KLC4: variants seen among roughly 807,000 people sequenced by gnomAD.
KLC4 encodes the protein kinesin-like protein 8.
A neutral mutation model predicts 77.2 loss-of-function variants in KLC4; 49 were observed. The ratio of observed to expected loss-of-function variants is 0.63; its 90% CI spans 0.50 to 0.80. The LOEUF (loss-of-function observed/expected upper bound fraction) is 0.80. Ranked by LOEUF, KLC4 falls within the 30% of genes least tolerant of loss-of-function variation. KLC4 has a pLI of 0.00. For synonymous variants in KLC4, 274 were observed against 314.5 expected (o/e 0.87, Z 1.36); for missense variants, 669 against 793.5 (o/e 0.84, Z 1.89).
chr6:43,060,268 C>A, intron 1 of KLC4: 8 of 1,614,040 alleles, frequency 5.0e-6, no homozygotes, highest in Non-Finnish European at 6.8e-6. Flanking sequence ...CCCAGACACG[C>A]CTCTTGCTGT....
chr6:43,070,872 G>T lies in KLC4; in HGVS notation c.1155+7G>T. On this transcript the variant is annotated splice_region_variant and intron_variant, in intron 8 of 15. Coordinates refer to ENST00000347162, the MANE Select transcript of KLC4 (RefSeq NM_201521.3). ...CCGGACCAAGAACAACCTGGTATGG[G>T]AGGAGGGACAAAGTAGGTGGAAGAA... is the stretch of plus-strand genomic sequence containing the variant. 1 of 1,381,580 alleles carries T rather than the reference G, an allele frequency of 7.2e-7. No individual in the cohort carries two copies. 85.6% of individuals were successfully genotyped at this position (1,381,580 alleles called of 1,614,324 possible). A position where few individuals can be genotyped will look rare whatever the true frequency, so the allele number is the denominator to read the frequency against.
At position 43,074,420 on chromosome 6, in the gene KLC4, T is replaced by C. The variant is rs537962556; in HGVS notation, c.1810-202T>C. 87 of 591,254 alleles carry C rather than the reference T, an allele frequency of 1.5e-4. 2 individuals are homozygous for C. In the South Asian group the frequency reaches 1.6e-3, roughly 11 times the overall value. The allele number at this position is 591,254 out of a possible 1,614,324, so 36.6% of individuals were successfully genotyped here. A position where few individuals can be genotyped will look rare whatever the true frequency, so the allele number is the denominator to read the frequency against. Reference sequence around the variant, plus strand: ...CCAGTATTCATGTGGTTCTTCCAGGTAGCTTCTCCACCAGATTGTGGCCTT... The same window carrying C: ...CCAGTATTCATGTGGTTCTTCCAGGCAGCTTCTCCACCAGATTGTGGCCTT... On this transcript the variant is annotated intron_variant, in intron 15 of 15. Coordinates refer to ENST00000347162, the MANE Select transcript of KLC4 (RefSeq NM_201521.3).
intron 12 of KLC4, 77 bp downstream of exon 12, chr6:43,072,332 T>G (rs1183111347): frequency 9.2e-7 from 1 of 1,091,096 alleles, no homozygotes; most frequent in Non-Finnish European, 1.4e-6. Flanking sequence ...TTCTTGGGAG[T>G]CTCCTAAGAA....
intron 6 of KLC4, among the ~76,000 whole-genome samples, chr6:43,068,074 T>A (rs1160396232): frequency 3.6e-5 from 3 of 83,620 alleles, no homozygotes; most frequent in East Asian, 6.7e-4. Flanking sequence ...ATCCCGCCAC[T>A]GCACTCCAGC....
Position 43,073,950 on chromosome 6 carries a change from T to C in KLC4, c.1794T>C (p.Ser598=), listed in dbSNP as rs752262818. The C allele has an allele frequency of 1.9e-6, 3 of 1,611,576 alleles. No individual in the cohort carries two copies. The South Asian group carries it at 3.3e-5, about 18-fold the overall frequency. Residue 598 remains serine (S), a synonymous_variant, in exon 15 of 16, where the codon AGT becomes AGC. Transcript: ENST00000347162. ...CCTTGAACTATCTGAACCAACCTAGTGCAGCACCCCTCCAGGTGAGAGCAG... is the reference window on the plus strand; with the variant it reads ...CCTTGAACTATCTGAACCAACCTAGCGCAGCACCCCTCCAGGTGAGAGCAG... ...AASLNYLNQP[S]AAPLQVSRGL...
Position 43,072,931 on chromosome 6 carries a change from T to G in KLC4, c.1596T>G (p.Gly532=), listed in dbSNP as rs1258861939. The change falls in exon 13 of 16, where the codon GGT becomes GGG. Residue 532 remains glycine (G), a synonymous_variant. Coordinates refer to ENST00000347162, the MANE Select transcript of KLC4 (RefSeq NM_201521.3). Reference sequence around the variant, plus strand: ...GAGACAGTGTGAAATTCGAGGGAGGTGAAGATGCTTCTGTGGCTGTGGAGT... The same window carrying G: ...GAGACAGTGTGAAATTCGAGGGAGGGGAAGATGCTTCTGTGGCTGTGGAGT... ...GPGDSVKFEG[G]EDASVAVEWS... 6.2e-7 allele frequency: 1 copy of G among 1,609,802 alleles called. No homozygotes were observed. The highest frequency in any genetic ancestry group is 8.5e-7 in the Non-Finnish European group (1 of 1,178,292).
chr6:43,072,062 T>G (rs1765757366), intron 11 of KLC4, 85 bp from the exon 12 acceptor site: 1 of 1,421,406 alleles, frequency 7.0e-7, no homozygotes, highest in African/African-American at 1.4e-5. Context: ...TTCTTATTTT[T>G]TTTCCTCTTG....
At chr6:43,070,226 A>G in intron 6 of KLC4, 128 bp from the exon 7 acceptor site, 1 of 602,126 alleles carries the variant, frequency 1.7e-6, no homozygotes, top group South Asian at 2.2e-5. Context: ...CCCTGGCTCC[A>G]GGGTAGTAGA....
chr6:43,071,631 GA>G lies in KLC4; in HGVS notation c.1308+14del. 1 of 1,613,222 alleles carries G rather than the reference GA, an allele frequency of 6.2e-7. No individual in the cohort carries two copies. On this transcript the variant is annotated intron_variant, in intron 10 of 15. Coordinates refer to ENST00000347162, the MANE Select transcript of KLC4 (RefSeq NM_201521.3). ...AGGAAATGAGCAAAGTGAGTGGGGG[GA>G]AGGGGGGCCAGCCTGGGGAGCTCAA... is the stretch of plus-strand genomic sequence containing the variant.
intron 8 of KLC4, 60 bp downstream of exon 8, chr6:43,070,925 G>GC: frequency 1.0e-5 from 3 of 291,976 alleles, no homozygotes; most frequent in East Asian, 1.1e-4. Context: ...GAGGTGGGGG[G>GC]AGGGGGGGCA....
intron 9 of KLC4, 39 bp downstream of exon 9, chr6:43,071,413 A>G (rs762671720): frequency 6.3e-7 from 1 of 1,575,480 alleles, no homozygotes; most frequent in South Asian, 1.1e-5. Flanking sequence ...TGTGGGGAAG[A>G]AAAGAAATTC....
At position 43,074,671 on chromosome 6, in the gene KLC4, G is replaced by A. The variant is rs770887637; in HGVS notation, c.1859G>A (p.Ter620=). 2 of 1,614,052 alleles carry A rather than the reference G, an allele frequency of 1.2e-6. No homozygotes were observed. The highest frequency in any genetic ancestry group is 4.5e-5 in the East Asian group (2 of 44,886). The change falls in exon 16 of 16, where the codon TGA becomes TAA. Residue 620 remains the stop codon, a stop_retained_variant. Coordinates refer to ENST00000347162, the MANE Select transcript of KLC4 (RefSeq NM_201521.3). ...ACCATGGACCTCTCTTCAAGCAGCT[G>A]ACATTCAACCCGGCCCCCAGGTCTG... is the stretch of plus-strand genomic sequence containing the variant. The part of the protein sequence containing the change: ...ASTMDLSSSS[*]
rs529614045 is a variant in KLC4, at chr6:43,068,284, C to T, written c.879+1201C>T. 2.8e-4 allele frequency among the ~76,000 whole-genome samples: 42 copies of T among 148,406 alleles called. No homozygotes were observed. In the South Asian group the frequency reaches 4.3e-3, roughly 15 times the overall value. On this transcript the variant is annotated intron_variant, in intron 6 of 15. Transcript: ENST00000347162. ...GTCAGGAGTTCAAGACCATCCTGGCCAACATGGTGAAACCCCGTCTCTACT... is the reference window on the plus strand; with the variant it reads ...GTCAGGAGTTCAAGACCATCCTGGCTAACATGGTGAAACCCCGTCTCTACT...
At position 43,075,049 on chromosome 6, in the gene KLC4, G is replaced by C; in HGVS notation, c.*377G>C. ...CCCTCCCTCTGCTGTCTCACTTCAG[G>C]TCCATGTATTTCACTTTTCTTAAAT... On this transcript the variant is annotated 3_prime_UTR_variant, in exon 16 of 16. Transcript: ENST00000347162. 1 of 234,576 alleles carries C rather than the reference G, an allele frequency of 4.3e-6. No homozygotes were observed. 14.5% of individuals were successfully genotyped at this position (234,576 alleles called of 1,614,324 possible).
At chr6:43,065,925 A>G (rs1449733554) in intron 4 of KLC4, among the ~76,000 whole-genome samples, 4 of 152,184 alleles carry the variant, frequency 2.6e-5, no homozygotes, top group Non-Finnish European at 5.9e-5. Flanking sequence ...AGGCACTAGG[A>G]GTACTGAGAT....
chr6:43,066,555 T>A (rs1765444017), intron 5 of KLC4, 30 bp downstream of exon 5: 1 of 1,578,048 alleles, frequency 6.3e-7, no homozygotes, highest in Admixed American at 1.7e-5. Flanking sequence ...AGTGCCCAGA[T>A]CTTCCCCCAC....
At chr6:43,073,783 A>G in intron 14 of KLC4, 119 bp from the exon 15 acceptor site, 1 of 833,058 alleles carries the variant, frequency 1.2e-6, no homozygotes, top group South Asian at 1.4e-5. Flanking sequence ...CGGGCCAGCC[A>G]TGGAGAGAGA....
In KLC4 at chr6:43,060,037, C is replaced by T. The variant is rs1030555429; in HGVS notation, c.-26+352C>T. 1.9e-5 allele frequency: 28 copies of T among 1,491,102 alleles called. No individual in the cohort carries two copies. The Admixed American group carries it at 4.9e-4, about 26-fold the overall frequency. The allele number at this position is 1,491,102 out of a possible 1,614,324, so 92.4% of individuals were successfully genotyped here. On this transcript the variant is annotated intron_variant, in intron 1 of 15. Coordinates refer to ENST00000347162, the MANE Select transcript of KLC4 (RefSeq NM_201521.3). Reference sequence around the variant, plus strand: ...GGGCAGGTCGACAGCCCGAGGCACTCCTCTACTGCGTTTCCAGGCCCAGGA... The same window carrying T: ...GGGCAGGTCGACAGCCCGAGGCACTTCTCTACTGCGTTTCCAGGCCCAGGA...
rs766636827 is a variant in KLC4 at position 43,072,174 on chromosome 6, C to T, written c.1407C>T (p.Asn469=). The change falls in exon 12 of 16, where the codon AAC becomes AAT. Residue 469 remains asparagine, a synonymous_variant. Coordinates refer to ENST00000347162, the MANE Select transcript of KLC4 (RefSeq NM_201521.3). ...SSPTVNTTLR[N]LGALYRRQGK... is the part of the protein sequence containing the mutation. Reference sequence around the variant, plus strand: ...CCACAGTGAACACTACTCTGAGAAACCTGGGAGCTCTGTATAGGCGCCAGG... The same window carrying T: ...CCACAGTGAACACTACTCTGAGAAATCTGGGAGCTCTGTATAGGCGCCAGG... 3.7e-6 allele frequency: 6 copies of T among 1,613,990 alleles called. No homozygotes were observed. The highest frequency in any genetic ancestry group is 1.6e-4 in the Middle Eastern group (1 of 6,084).
Sources: gnomAD v4.1 joint callset for allele counts (sites outside exome capture counted in the v4.1 genomes callset) on GRCh38, gnomAD v4.1.1 for gene constraint, MANE v1.5 for transcripts, NCBI Gene and HGNC (gene_info 2026-07-23, HGNC 2026-07-21) for gene names.